Variants in FSIP1 observed in about 807,000 individuals in gnomAD.
FSIP1 encodes fibrous sheath interacting protein 1, also known as fibrous sheath-interacting protein 1.
FSIP1 carries 65 observed loss-of-function variants against 60.9 expected under a neutral mutation model. The ratio of observed to expected loss-of-function variants is 1.07; its 90% CI spans 0.87 to 1.31. FSIP1 has a LOEUF of 1.31. Among genes scored for constraint, FSIP1 ranks in the 40% most tolerant of loss-of-function variants. The pLI is 0.00. For synonymous variants in FSIP1, 209 were observed against 221.2 expected, an observed-to-expected ratio of 0.94 and a Z score of 0.49; for missense variants, 675 against 665.5, an observed-to-expected ratio of 1.01 and a Z score of -0.16.
chr15:39,690,958 T>C (rs542815173), intron 10 of FSIP1, among the ~76,000 whole-genome samples: 174 of 152,336 alleles, frequency 1.1e-3, no homozygotes, highest in African/African-American at 4.0e-3. Context: ...AAGGGACCTC[T>C]GCTGGGACAA....
At chr15:39,638,292 A>C (rs1892217757) in intron 10 of FSIP1, among the ~76,000 whole-genome samples, 1 of 152,262 alleles carries the variant, frequency 6.6e-6, no homozygotes, top group African/African-American at 2.4e-5. Flanking sequence ...ATTATAGCAA[A>C]GCATGTTAAA....
At chr15:39,714,568 C>T (rs1895660251) in intron 9 of FSIP1, among the ~76,000 whole-genome samples, 1 of 151,178 alleles carries the variant, frequency 6.6e-6, no homozygotes, top group Admixed American at 6.6e-5. Flanking sequence ...TTAAGATATC[C>T]TCATCATTCA....
At chr15:39,660,744 G>A (rs1893262930) in intron 10 of FSIP1, among the ~76,000 whole-genome samples, 1 of 152,156 alleles carries the variant, frequency 6.6e-6, no homozygotes, top group African/African-American at 2.4e-5. Flanking sequence ...ATTTTCTTAT[G>A]TGAAGTAGAC....
chr15:39,769,032 C>A (rs1022119764), intron 3 of FSIP1, among the ~76,000 whole-genome samples: 4 of 152,164 alleles, frequency 2.6e-5, no homozygotes, highest in African/African-American at 9.7e-5. Context: ...GTAATCCCAG[C>A]ACTTTGGGAG....
chr15:39,746,313 AG>A (rs956097929), intron 5 of FSIP1, among the ~76,000 whole-genome samples: 9 of 152,152 alleles, frequency 5.9e-5, no homozygotes, highest in African/African-American at 2.2e-4. Context: ...CAGAGATAAA[AG>A]GAAAAAAACA....
chr15:39,733,415 CTG>C (rs1896485921), intron 8 of FSIP1, among the ~76,000 whole-genome samples: 1 of 152,162 alleles, frequency 6.6e-6, no homozygotes, highest in Non-Finnish European at 1.5e-5. Flanking sequence ...ACTTAGAAAA[CTG>C]TAGAAGGAGC....
chr15:39,736,012 G>A (rs1896594366), intron 8 of FSIP1, among the ~76,000 whole-genome samples: 1 of 152,158 alleles, frequency 6.6e-6, no homozygotes, highest in Admixed American at 6.5e-5. Flanking sequence ...AATTCTTCCT[G>A]ATGGACCTGC....
intron 10 of FSIP1, among the ~76,000 whole-genome samples, chr15:39,627,502 G>C (rs977423954): frequency 1.3e-5 from 2 of 152,234 alleles, no homozygotes; most frequent in African/African-American, 4.8e-5. Context: ...CAAGGGGAGA[G>C]GGAAGGCAGT....
At chr15:39,724,985 C>A (rs889116359) in intron 9 of FSIP1, among the ~76,000 whole-genome samples, 5 of 152,186 alleles carry the variant, frequency 3.3e-5, no homozygotes, top group Non-Finnish European at 5.9e-5. Flanking sequence ...GTAATCCCAG[C>A]ACTTTGGGAG....
intron 10 of FSIP1, among the ~76,000 whole-genome samples, chr15:39,712,947 G>A (rs151062719): frequency 5.5e-4 from 83 of 152,156 alleles, no homozygotes; most frequent in African/African-American, 1.9e-3. Context: ...AAGATTTTAG[G>A]GAGAACTACC....
At position 39,736,219 on chromosome 15, in the gene FSIP1, A is replaced by C. The variant is rs112174994; in HGVS notation, c.891+1872T>G. On this transcript the variant is annotated intron_variant, in intron 8 of 11. Coordinates refer to ENST00000350221, the MANE Select transcript of FSIP1 (RefSeq NM_152597.5). ...TACCATGAACCAGCGAAGCTGAAAT[A>C]TCTCAGAATTATGTGGGCATTTAGC... is the stretch of plus-strand genomic sequence containing the variant. Among the ~76,000 whole-genome samples, 1,297 of 152,338 alleles carry C rather than the reference A, an allele frequency of 8.5e-3. 18 individuals are homozygous for C. The highest frequency in any genetic ancestry group is 0.029 in the African/African-American group (1,217 of 41,574).
intron 5 of FSIP1, among the ~76,000 whole-genome samples, chr15:39,762,488 G>C (rs1409868104): frequency 1.3e-5 from 2 of 152,126 alleles, no homozygotes; most frequent in Non-Finnish European, 2.9e-5. Context: ...TCCAAATAAA[G>C]ACACATTCCA....
intron 5 of FSIP1, among the ~76,000 whole-genome samples, chr15:39,762,296 C>T (rs943527730): frequency 6.6e-6 from 1 of 152,182 alleles, no homozygotes; most frequent in African/African-American, 2.4e-5. Context: ...TTCCTTGGGT[C>T]TTCCTAGCTT....
intron 10 of FSIP1, among the ~76,000 whole-genome samples, chr15:39,646,342 T>C (rs1469282218): frequency 1.3e-5 from 2 of 151,614 alleles, no homozygotes; most frequent in African/African-American, 2.4e-5. Flanking sequence ...GGACAAGAAC[T>C]CGGGCAAAGG....
intron 5 of FSIP1, among the ~76,000 whole-genome samples, chr15:39,752,343 C>T (rs905789706): frequency 2.0e-5 from 3 of 151,916 alleles, no homozygotes; most frequent in African/African-American, 7.2e-5. Context: ...ACTCCTTAAG[C>T]AGGGGCTGCA....
At chr15:39,778,280 G>A (rs1898129878) in intron 1 of FSIP1, among the ~76,000 whole-genome samples, 1 of 152,200 alleles carries the variant, frequency 6.6e-6, no homozygotes, top group Non-Finnish European at 1.5e-5. Flanking sequence ...TGAGATGGAA[G>A]CATGCGCAGA....
rs747049316 is a variant in FSIP1 at position 39,600,877 on chromosome 15, T to C, written c.*3A>G. On this transcript the variant is annotated 3_prime_UTR_variant, in exon 12 of 12. Transcript: ENST00000350221. ...CTGAAAAGCACACCCAGCAAGTCCT[T>C]GATTAGGGTTCTTTACATTCTTCTG... is the stretch of plus-strand genomic sequence containing the variant. 1 of 1,604,700 alleles carries C rather than the reference T, an allele frequency of 6.2e-7. No individual in the cohort carries two copies. The highest frequency in any genetic ancestry group is 1.1e-5 in the South Asian group (1 of 88,480).
intron 10 of FSIP1, among the ~76,000 whole-genome samples, chr15:39,712,925 C>G (rs1895582390): frequency 6.6e-6 from 1 of 152,006 alleles, no homozygotes; most frequent in Non-Finnish European, 1.5e-5. Flanking sequence ...GCTATAAGTT[C>G]AAAACATAGG....
At chr15:39,739,377 T>C (rs548624147) in intron 7 of FSIP1, among the ~76,000 whole-genome samples, 4 of 152,252 alleles carry the variant, frequency 2.6e-5, no homozygotes, top group Admixed American at 6.5e-5. Context: ...ATTATCTGAA[T>C]AAATGTTTTG....
Sources: allele counts gnomAD v4.1 joint callset (sites outside exome capture counted in the v4.1 genomes callset), GRCh38; gene constraint gnomAD v4.1.1; transcripts MANE v1.5; gene names NCBI Gene and HGNC (gene_info 2026-07-23, HGNC 2026-07-21).